Variants in RASAL2 observed in about 807,000 individuals in gnomAD.
The protein encoded by RASAL2 is RAS protein activator like 2, also known as ras GTPase-activating protein nGAP.
A neutral mutation model predicts 128.9 loss-of-function variants in RASAL2; 58 were observed. The observed-to-expected ratio is 0.45, with a 90% CI of 0.36 to 0.56. RASAL2 has a LOEUF of 0.56. Ranked by LOEUF, RASAL2 falls within the 20% of genes least tolerant of loss-of-function variation. The probability of loss-of-function intolerance (pLI) is 0.00; values close to 1 mark genes in which losing one functional copy is unlikely to be tolerated. For missense variants in RASAL2, 1,360 were observed against 1,601.6 expected, an observed-to-expected ratio of 0.85 and a Z score of 2.57; for synonymous variants, 561 against 580.8, an observed-to-expected ratio of 0.97 and a Z score of 0.49.
intron 3 of RASAL2, among the ~76,000 whole-genome samples, chr1:178,361,616 A>G (rs548601156): frequency 3.6e-4 from 55 of 152,088 alleles, no homozygotes; most frequent in African/African-American, 1.3e-3. Flanking sequence ...TTTTGTTCTC[A>G]TCACTATTCC....
intron 1 of RASAL2, among the ~76,000 whole-genome samples, chr1:178,110,952 CT>C (rs1003998327): frequency 3.6e-4 from 55 of 151,442 alleles, no homozygotes; most frequent in African/African-American, 1.3e-3. Flanking sequence ...GTGTTTTTTT[CT>C]TTTTACGGAA....
At position 178,366,360 on chromosome 1, in the gene RASAL2, A is replaced by G. The variant is rs559245054; in HGVS notation, c.458-23740A>G. Among the ~76,000 whole-genome samples the G allele has an allele frequency of 7.9e-5, 12 of 152,330 alleles. No homozygotes were observed. In the East Asian group the frequency reaches 2.3e-3, roughly 29 times the overall value. On this transcript the variant is annotated intron_variant, in intron 3 of 17. Transcript: ENST00000367649. ...ACCAACTTTAGTTATCAGTTTAGGA[A>G]AAGATCATGTATTACTTGCCTTTGT... is the stretch of plus-strand genomic sequence containing the variant.
intron 1 of RASAL2, among the ~76,000 whole-genome samples, chr1:178,096,051 A>G (rs1349821421): frequency 1.3e-5 from 2 of 152,186 alleles, no homozygotes; most frequent in Non-Finnish European, 2.9e-5. Flanking sequence ...GAGACGATGC[A>G]AGGTCACCCA....
chr1:178,138,375 A>G (rs1342904137), intron 1 of RASAL2, among the ~76,000 whole-genome samples: 1 of 152,148 alleles, frequency 6.6e-6, no homozygotes, highest in Non-Finnish European at 1.5e-5. Flanking sequence ...TTTATACCAC[A>G]TATTAATATA....
chr1:178,133,530 G>C (rs533066584), intron 1 of RASAL2, among the ~76,000 whole-genome samples: 1 of 151,176 alleles, frequency 6.6e-6, no homozygotes, highest in African/African-American at 2.4e-5. Context: ...GTAAGGAGTT[G>C]GGGAATGTGT....
intron 1 of RASAL2, among the ~76,000 whole-genome samples, chr1:178,136,713 C>T (rs1042273061): frequency 1.0e-4 from 12 of 119,590 alleles, no homozygotes; most frequent in Admixed American, 3.4e-4. Flanking sequence ...GCCAAGATTG[C>T]GCCACTGTAC....
intron 1 of RASAL2, among the ~76,000 whole-genome samples, chr1:178,244,514 T>C (rs1342122568): frequency 6.6e-6 from 1 of 152,250 alleles, no homozygotes; most frequent in Non-Finnish European, 1.5e-5. Context: ...GTGCTGGGAT[T>C]ACAGGCGTGA....
intron 4 of RASAL2, among the ~76,000 whole-genome samples, chr1:178,397,265 A>AGTT (rs1673296679): frequency 6.6e-6 from 1 of 152,252 alleles, no homozygotes; most frequent in Non-Finnish European, 1.5e-5. Flanking sequence ...ACTATGATTT[A>AGTT]TCCATACAAT....
At chr1:178,282,584 G>T (rs55736745) in intron 1 of RASAL2, among the ~76,000 whole-genome samples, 2 of 152,094 alleles carry the variant, frequency 1.3e-5, no homozygotes, top group African/African-American at 4.8e-5. Flanking sequence ...TCATATAATA[G>T]ATATAATGTA....
chr1:178,380,771 G>A (rs1672239010), intron 3 of RASAL2, among the ~76,000 whole-genome samples: 1 of 152,066 alleles, frequency 6.6e-6, no homozygotes, highest in Non-Finnish European at 1.5e-5. Flanking sequence ...GTTAAAATTT[G>A]TTTAAAAATT....
chr1:178,219,769 T>C (rs1165844894), intron 1 of RASAL2, among the ~76,000 whole-genome samples: 1 of 152,200 alleles, frequency 6.6e-6, no homozygotes, highest in Non-Finnish European at 1.5e-5. Context: ...TTCTAGCTTT[T>C]GATTTAAAGT....
At position 178,473,733 on chromosome 1, in the gene RASAL2, A is replaced by C. The variant is rs1648486222; in HGVS notation, c.*494A>C. On this transcript the variant is annotated 3_prime_UTR_variant, in exon 18 of 18. Transcript: ENST00000367649. ...TTTCAGGGATTCATCTACTAGTTTA[A>C]AAACCCCACTCTGGCCCTCTTGTCC... is the stretch of plus-strand genomic sequence containing the variant. The C allele has an allele frequency of 6.4e-6, 1 of 156,900 alleles. No homozygotes were observed. The highest frequency in any genetic ancestry group is 2.4e-5 in the African/African-American group (1 of 41,486). 9.7% of individuals were successfully genotyped at this position (156,900 alleles called of 1,614,324 possible). A position where few individuals can be genotyped will look rare whatever the true frequency, so the allele number is the denominator to read the frequency against.
chr1:178,149,811 C>A (rs1558081894), intron 1 of RASAL2, among the ~76,000 whole-genome samples: 1 of 152,046 alleles, frequency 6.6e-6, no homozygotes, highest in South Asian at 2.1e-4. Flanking sequence ...ATTTAACATG[C>A]AAATAGGATC....
intron 6 of RASAL2, among the ~76,000 whole-genome samples, chr1:178,439,948 G>C (rs1302858565): frequency 6.9e-6 from 1 of 144,394 alleles, no homozygotes; most frequent in East Asian, 2.0e-4. Context: ...CAAGATCTGA[G>C]ACCATGTTTT....
intron 12 of RASAL2, 181 bp from the exon 13 acceptor site, chr1:178,456,540 C>G (rs1677785534): frequency 1.4e-6 from 1 of 699,566 alleles, no homozygotes; most frequent in South Asian, 1.6e-5. Context: ...CCATTCATCT[C>G]GACGCCATGG....
At chr1:178,200,923 C>G (rs1452367300) in intron 1 of RASAL2, among the ~76,000 whole-genome samples, 1 of 152,174 alleles carries the variant, frequency 6.6e-6, no homozygotes, top group Admixed American at 6.5e-5. Flanking sequence ...CCTAAGGCAA[C>G]AGTGATGGCG....
rs568688585 is a variant in RASAL2, at chr1:178,466,139, C to G, written c.3590+17C>G. 1 of 1,533,900 alleles carries G rather than the reference C, an allele frequency of 6.5e-7. No homozygotes were observed. Among genetic ancestry groups the G allele is most frequent in the Non-Finnish European group, 8.8e-7 (1 of 1,140,726 alleles). On this transcript the variant is annotated intron_variant, in intron 16 of 17. Coordinates refer to ENST00000367649, the MANE Select transcript of RASAL2 (RefSeq NM_170692.4). Reference sequence around the variant, plus strand: ...CATCAGCAGGTTAGACATCACCTGGCAGCAGATGTGGGCTAGTTAGCAAGA... The same window carrying G: ...CATCAGCAGGTTAGACATCACCTGGGAGCAGATGTGGGCTAGTTAGCAAGA...
At chr1:178,281,993 A>C (rs1034557625) in intron 1 of RASAL2, among the ~76,000 whole-genome samples, 1 of 152,202 alleles carries the variant, frequency 6.6e-6, no homozygotes, top group Non-Finnish European at 1.5e-5. Flanking sequence ...CTAAAGATGC[A>C]GTTCTAACAT....
At chr1:178,313,822 A>G (rs893718623) in intron 3 of RASAL2, among the ~76,000 whole-genome samples, 55 of 152,194 alleles carry the variant, frequency 3.6e-4, no homozygotes, top group African/African-American at 1.1e-3. Flanking sequence ...TAGCCTTTAA[A>G]ACAGCTTAGT....
Sources: allele counts gnomAD v4.1 joint callset (sites outside exome capture counted in the v4.1 genomes callset), GRCh38; gene constraint gnomAD v4.1.1; transcripts MANE v1.5; gene names NCBI Gene and HGNC (gene_info 2026-07-23, HGNC 2026-07-21).